The following FOXP1 variants were observed in gnomAD, a reference collection of about 807,000 sequenced individuals.
FOXP1 encodes the protein forkhead box protein P1.
In FOXP1, 15 loss-of-function variants were observed where a neutral mutation model predicts 98.2. The ratio of observed to expected loss-of-function variants is 0.15; its 90% CI spans 0.10 to 0.24. The LOEUF (loss-of-function observed/expected upper bound fraction) is 0.24. Ranked by LOEUF, FOXP1 falls within the 10% of genes least tolerant of loss-of-function variation. FOXP1 has a pLI of 1.00. For missense variants in FOXP1, 633 were observed against 848.5 expected (o/e 0.75, Z 3.15); for synonymous variants, 371 against 314.5 (o/e 1.18, Z -1.90).
At chr3:71,076,347 T>A (rs2053807831) in intron 7 of FOXP1, among the ~76,000 whole-genome samples, 1 of 152,234 alleles carries the variant, frequency 6.6e-6, no homozygotes, top group South Asian at 2.1e-4. Flanking sequence ...GATCATTTGA[T>A]CATTTGCTGA....
intron 5 of FOXP1, chr3:71,296,513 A>G (rs1199789126): frequency 6.6e-6 from 1 of 152,238 alleles, no homozygotes; most frequent in Non-Finnish European, 1.5e-5. Flanking sequence ...CAAAGGTAAA[A>G]ATTACATTTA....
intron 3 of FOXP1, among the ~76,000 whole-genome samples, chr3:71,437,077 C>G (rs558603737): frequency 1.3e-5 from 2 of 152,180 alleles, no homozygotes; most frequent in Non-Finnish European, 2.9e-5. Flanking sequence ...TAACGTTTCT[C>G]AGTCTCTTTG....
chr3:71,398,247 T>C (rs756126899), intron 3 of FOXP1, among the ~76,000 whole-genome samples: 2 of 152,218 alleles, frequency 1.3e-5, no homozygotes, highest in Non-Finnish European at 2.9e-5. Flanking sequence ...GTGCAATATG[T>C]ATGTCAACAG....
chr3:71,192,358 G>A (rs1462626635), intron 6 of FOXP1, among the ~76,000 whole-genome samples: 1 of 152,168 alleles, frequency 6.6e-6, no homozygotes, highest in African/African-American at 2.4e-5. Context: ...GGCCAGGAAT[G>A]GCCTCTGGAA....
intron 2 of FOXP1, among the ~76,000 whole-genome samples, chr3:71,499,628 C>G (rs867924641): frequency 6.6e-6 from 1 of 152,324 alleles, no homozygotes; most frequent in Non-Finnish European, 1.5e-5. Context: ...CAAGAGTGAG[C>G]CTGCTCTGTC....
intron 16 of FOXP1, 141 bp from the exon 17 acceptor site, chr3:70,977,183 G>A (rs2037742339): frequency 1.4e-5 from 9 of 666,180 alleles, no homozygotes; most frequent in Admixed American, 2.3e-5. Context: ...AAGATTAATG[G>A]TTGTATTTAA....
chr3:71,306,707 C>T (rs1226063051), intron 4 of FOXP1, among the ~76,000 whole-genome samples: 3 of 145,310 alleles, frequency 2.1e-5, no homozygotes, highest in African/African-American at 7.6e-5. Context: ...GAAAATAATT[C>T]GAGTTTTCCA....
rs773151611 is a variant in FOXP1, at chr3:70,965,118, C to G, written c.1889+772G>C. On this transcript the variant is annotated intron_variant, in intron 20 of 20. Coordinates refer to ENST00000649528, the MANE Select transcript of FOXP1 (RefSeq NM_001349338.3). ...AGAGACTGTCATCCCACAGCATCTC[C>G]TGCAAAGCCAATCATTTGGAATAAT... 2.0e-5 allele frequency among the ~76,000 whole-genome samples: 3 copies of G among 152,216 alleles called. 1 individual carries two copies. The South Asian group carries it at 6.2e-4, about 32-fold the overall frequency.
intron 6 of FOXP1, among the ~76,000 whole-genome samples, chr3:71,154,165 A>G (rs1420905918): frequency 6.6e-6 from 1 of 152,138 alleles, no homozygotes; most frequent in Non-Finnish European, 1.5e-5. Context: ...TTTGAGAAAA[A>G]TTAAATTAAG....
intron 2 of FOXP1, among the ~76,000 whole-genome samples, chr3:71,566,736 G>GT (rs1218783161): frequency 6.6e-6 from 1 of 152,130 alleles, no homozygotes; most frequent in African/African-American, 2.4e-5. Flanking sequence ...AAAGCACTGT[G>GT]CCCTCCATTG....
chr3:71,110,274 G>A (rs1000073687), intron 7 of FOXP1, among the ~76,000 whole-genome samples: 4 of 152,004 alleles, frequency 2.6e-5, no homozygotes, highest in African/African-American at 9.7e-5. Flanking sequence ...CAAGTATGAG[G>A]GAAAATAATT....
At chr3:71,121,478 T>TAA (rs371233213) in intron 6 of FOXP1, among the ~76,000 whole-genome samples, 5 of 124,190 alleles carry the variant, frequency 4.0e-5, no homozygotes, top group African/African-American at 1.4e-4. Flanking sequence ...TGGGAAGAGC[T>TAA]AAAAAAAAAA....
rs373056779 is a variant in FOXP1 at position 71,010,401 on chromosome 3, A to G, written c.974+5148T>C. Among the ~76,000 whole-genome samples the G allele has an allele frequency of 5.3e-5, 8 of 152,214 alleles. No homozygotes were observed. In the East Asian group the frequency reaches 1.5e-3, roughly 29 times the overall value. ...TCTGGGCATTAGTTTCCTTAACTCT[A>G]TGCTGGGAATACTACTACAATACTA... On this transcript the variant is annotated intron_variant, in intron 12 of 20. Transcript: ENST00000649528.
At chr3:71,345,127 C>A (rs111293272) in intron 4 of FOXP1, among the ~76,000 whole-genome samples, 1 of 151,916 alleles carries the variant, frequency 6.6e-6, no homozygotes. Flanking sequence ...TGGTGGCTCA[C>A]GCCTGTAATC....
intron 20 of FOXP1, 150 bp downstream of exon 20, chr3:70,965,740 A>G: frequency 1.2e-6 from 1 of 815,212 alleles, no homozygotes; most frequent in Non-Finnish European, 2.1e-6. Flanking sequence ...CAAGCTGAAC[A>G]TTTCTTGAAG....
intron 3 of FOXP1, among the ~76,000 whole-genome samples, chr3:71,469,754 G>A (rs1284320833): frequency 6.6e-6 from 1 of 152,202 alleles, no homozygotes; most frequent in Non-Finnish European, 1.5e-5. Context: ...AAAAGCTGCA[G>A]ACCACCCTCA....
At chr3:71,515,549 C>T (rs1173506166) in intron 2 of FOXP1, among the ~76,000 whole-genome samples, 1 of 151,004 alleles carries the variant, frequency 6.6e-6, no homozygotes, top group Non-Finnish European at 1.5e-5. Context: ...CTATAATGAT[C>T]GGAGACAGGG....
intron 4 of FOXP1, among the ~76,000 whole-genome samples, chr3:71,340,260 AAGT>A (rs2076934375): frequency 6.6e-6 from 1 of 152,262 alleles, no homozygotes; most frequent in Non-Finnish European, 1.5e-5. Flanking sequence ...ATCAGTGTCT[AAGT>A]AGAAACTATA....
intron 3 of FOXP1, among the ~76,000 whole-genome samples, chr3:71,472,396 G>C (rs766042713): frequency 2.0e-4 from 31 of 151,640 alleles, no homozygotes; most frequent in African/African-American, 5.6e-4. Context: ...ATGGGTCCGA[G>C]AGGATTCAGT....
Sources: allele counts gnomAD v4.1 joint callset (sites outside exome capture counted in the v4.1 genomes callset), GRCh38; gene constraint gnomAD v4.1.1; transcripts MANE v1.5; gene names NCBI Gene and HGNC (gene_info 2026-07-23, HGNC 2026-07-21).